The following METTL16 variants were observed in gnomAD, a reference collection of about 807,000 sequenced individuals.
METTL16 encodes the protein RNA N(6)-adenosine-methyltransferase METTL16.
A neutral mutation model predicts 57.9 loss-of-function variants in METTL16; 19 were observed. That is an observed-to-expected ratio of 0.33 (90% CI 0.23 to 0.48). The LOEUF (loss-of-function observed/expected upper bound fraction) is 0.48. Ranked by LOEUF, METTL16 falls within the 20% of genes least tolerant of loss-of-function variation. METTL16 has a pLI of 0.99. For missense variants in METTL16, 434 were observed against 691.5 expected (o/e 0.63, Z 4.18); for synonymous variants, 246 against 255.6 (o/e 0.96, Z 0.36).
chr17:2,499,286 A>G (rs2067469866), intron 2 of METTL16, among the ~76,000 whole-genome samples: 2 of 151,252 alleles, frequency 1.3e-5, no homozygotes, highest in Admixed American at 1.3e-4. Context: ...CTGATTAAGT[A>G]CAATAGTAAG....
chr17:2,446,831 C>T (rs1448909095), intron 6 of METTL16, among the ~76,000 whole-genome samples: 1 of 152,176 alleles, frequency 6.6e-6, no homozygotes, highest in African/African-American at 2.4e-5. Context: ...GATCCGCCAG[C>T]CTCGGCCTCC....
chr17:2,443,749 T>C (rs932495533), intron 6 of METTL16, among the ~76,000 whole-genome samples: 5 of 152,164 alleles, frequency 3.3e-5, no homozygotes, highest in African/African-American at 4.8e-5. Flanking sequence ...TCCGTCCACC[T>C]CGGCCTCCCG....
At chr17:2,494,842 CA>C (rs950040745) in intron 2 of METTL16, among the ~76,000 whole-genome samples, 1 of 151,716 alleles carries the variant, frequency 6.6e-6, no homozygotes. Context: ...TACTAAAATA[CA>C]AAAAAACAGC....
At position 2,464,416 on chromosome 17, in the gene METTL16, C is replaced by G. The variant is rs534783162; in HGVS notation, c.586-66G>C. On this transcript the variant is annotated intron_variant, in intron 5 of 9. Coordinates refer to ENST00000263092, the MANE Select transcript of METTL16 (RefSeq NM_024086.4). ...CCCAAGAACCAAGTTTGAATGTAAT[C>G]TATCTCTAAGTTAGAATGTTTAGTT... 8.0e-5 allele frequency: 116 copies of G among 1,458,196 alleles called. 1 individual carries two copies. The African/African-American group carries it at 1.5e-3, about 19-fold the overall frequency. The allele number at this position is 1,458,196 out of a possible 1,614,324, so 90.3% of individuals were successfully genotyped here.
chr17:2,456,859 G>A (rs1327951240), intron 6 of METTL16, among the ~76,000 whole-genome samples: 1 of 151,710 alleles, frequency 6.6e-6, no homozygotes, highest in Non-Finnish European at 1.5e-5. Flanking sequence ...CTCAATCTCA[G>A]CTCACTGCAA....
chr17:2,491,678 A>G (rs2044171), intron 2 of METTL16, among the ~76,000 whole-genome samples: 40 of 149,902 alleles, frequency 2.7e-4, no homozygotes, highest in South Asian at 6.3e-4. Context: ...GATGGAGACC[A>G]TCCTGGCTAA....
chr17:2,460,416 T>C (rs1163268772), intron 6 of METTL16: 1 of 152,192 alleles, frequency 6.6e-6, no homozygotes, highest in Non-Finnish European at 1.5e-5. Flanking sequence ...ACTGAGTCCA[T>C]TTCTACCCCT....
At chr17:2,447,716 C>T (rs1467208213) in intron 6 of METTL16, among the ~76,000 whole-genome samples, 1 of 142,324 alleles carries the variant, frequency 7.0e-6, no homozygotes, top group Non-Finnish European at 1.5e-5. Context: ...GGGGGGTCAG[C>T]CCCCCGCCCG....
chr17:2,485,894 G>C (rs2067337750), intron 2 of METTL16, among the ~76,000 whole-genome samples: 1 of 152,158 alleles, frequency 6.6e-6, no homozygotes, highest in Non-Finnish European at 1.5e-5. Flanking sequence ...CCCCTAATTA[G>C]TGGATCTGCC....
At chr17:2,486,158 C>G (rs923900236) in intron 2 of METTL16, among the ~76,000 whole-genome samples, 2 of 152,122 alleles carry the variant, frequency 1.3e-5, no homozygotes, top group African/African-American at 2.4e-5. Flanking sequence ...GGGAGGAAGG[C>G]AGGTTCCAGA....
At chr17:2,448,801 T>TAAAAAAAAAAAAA (rs1567889993) in intron 6 of METTL16, among the ~76,000 whole-genome samples, 2 of 47,420 alleles carry the variant, frequency 4.2e-5, no homozygotes, top group Non-Finnish European at 7.2e-5. Context: ...AAAATAAAAT[T>TAAAAAAAAAAAAA]TAAAAAAAAA....
chr17:2,477,130 C>G (rs1211692706), intron 3 of METTL16, among the ~76,000 whole-genome samples: 1 of 151,906 alleles, frequency 6.6e-6, no homozygotes, highest in Admixed American at 6.6e-5. Flanking sequence ...CTGCTTGAGC[C>G]CAGGAGTCAA....
intron 4 of METTL16, among the ~76,000 whole-genome samples, chr17:2,470,434 TG>T (rs1242644725): frequency 6.6e-6 from 1 of 152,200 alleles, no homozygotes; most frequent in Admixed American, 6.5e-5. Context: ...ACATGCACAC[TG>T]GGGCAACTCC....
chr17:2,511,713 A>C, intron 1 of METTL16, 46 bp downstream of exon 1: 1 of 397,104 alleles, frequency 2.5e-6, no homozygotes, highest in Non-Finnish European at 4.4e-6. Context: ...CCACGGGTTA[A>C]GTGACCCATG....
intron 3 of METTL16, among the ~76,000 whole-genome samples, chr17:2,476,417 C>T (rs1194183511): frequency 2.0e-5 from 3 of 152,080 alleles, no homozygotes; most frequent in Non-Finnish European, 4.4e-5. Flanking sequence ...CAAGGAATAC[C>T]AGTATCTAGT....
At position 2,430,396 on chromosome 17, in the gene METTL16, A is replaced by G. The variant is rs905550748; in HGVS notation, c.888+7713T>C. On this transcript the variant is annotated intron_variant, in intron 8 of 9. Coordinates refer to ENST00000263092, the MANE Select transcript of METTL16 (RefSeq NM_024086.4). Reference sequence around the variant, plus strand: ...TGCCTTAATTCTGTTCTATTCAGATATATTTTTAGAATTCTCTTTTTTTTT... The same window carrying G: ...TGCCTTAATTCTGTTCTATTCAGATGTATTTTTAGAATTCTCTTTTTTTTT... Among the ~76,000 whole-genome samples, 23 of 147,344 alleles carry G rather than the reference A, an allele frequency of 1.6e-4. No homozygotes were observed. The South Asian group carries it at 4.9e-3, about 32-fold the overall frequency.
At chr17:2,447,667 C>G (rs1188339197) in intron 6 of METTL16, among the ~76,000 whole-genome samples, 1 of 130,672 alleles carries the variant, frequency 7.7e-6, no homozygotes, top group Non-Finnish European at 1.6e-5. Flanking sequence ...AGTGAGGAGC[C>G]CCTCTGCCCG....
rs1426054948 is a variant in METTL16, at chr17:2,473,558, A to G, written c.435T>C (p.Asn145=). ...GATCAGATAAGTTATTCTGTTCCACATTTTTCTTTGCATAGTTGAAACACA... is the reference window on the plus strand; with the variant it reads ...GATCAGATAAGTTATTCTGTTCCACGTTTTTCTTTGCATAGTTGAAACACA... ...DDMCFNYAKK[N]VEQNNLSDLI... is the part of the protein sequence containing the mutation. Residue 145 remains asparagine, a synonymous_variant, in exon 4 of 10, where the codon AAT becomes AAC. Coordinates refer to ENST00000263092, the MANE Select transcript of METTL16 (RefSeq NM_024086.4). 6.2e-7 allele frequency: 1 copy of G among 1,613,916 alleles called. No individual in the cohort carries two copies. Among genetic ancestry groups the G allele is most frequent in the Non-Finnish European group, 8.5e-7 (1 of 1,180,024 alleles).
intron 8 of METTL16, among the ~76,000 whole-genome samples, chr17:2,432,571 T>TA (rs560803841): frequency 1.6e-4 from 23 of 143,414 alleles, no homozygotes; most frequent in African/African-American, 3.1e-4. Flanking sequence ...AGTCTCAAAA[T>TA]AAAAAAAAAA....
Sources: gnomAD v4.1 joint callset for allele counts (sites outside exome capture counted in the v4.1 genomes callset) on GRCh38, gnomAD v4.1.1 for gene constraint, MANE v1.5 for transcripts, NCBI Gene and HGNC (gene_info 2026-07-23, HGNC 2026-07-21) for gene names.